STK32B: variants seen among roughly 807,000 people sequenced by gnomAD.
STK32B encodes the protein serine/threonine-protein kinase 32B.
A neutral mutation model predicts 52.6 loss-of-function variants in STK32B; 43 were observed. The observed-to-expected ratio is 0.82, with a 90% CI of 0.64 to 1.05. STK32B has a LOEUF of 1.05. Among genes scored for constraint, STK32B ranks in the 50% least tolerant of loss-of-function variants. STK32B has a pLI of 0.00. For synonymous variants in STK32B, 238 were observed against 204.3 expected, an observed-to-expected ratio of 1.17 and a Z score of -1.41; for missense variants, 621 against 534.6, an observed-to-expected ratio of 1.16 and a Z score of -1.59.
At chr4:5,465,524 C>G (rs1288952035) in intron 9 of STK32B, among the ~76,000 whole-genome samples, 1 of 152,102 alleles carries the variant, frequency 6.6e-6, no homozygotes, top group Non-Finnish European at 1.5e-5. Context: ...GGCCAGGAAT[C>G]CTAGGGAGGT....
chr4:5,499,193 C>G lies in STK32B; in HGVS notation c.*110C>G, dbSNP rs528992101. On this transcript the variant is annotated 3_prime_UTR_variant, in exon 12 of 12. Coordinates refer to ENST00000282908, the MANE Select transcript of STK32B (RefSeq NM_018401.3). The stretch of plus-strand genomic sequence containing the variant: ...GTCTCACCCCTGAAAACATCAGATG[C>G]AGAAAAAGCCCTGGACTTGGAGCTG... 583 of 1,381,992 alleles carry G rather than the reference C, an allele frequency of 4.2e-4. 7 individuals carry two copies. In the South Asian group the frequency reaches 8.5e-3, roughly 20 times the overall value. The allele number at this position is 1,381,992 out of a possible 1,614,324, so 85.6% of individuals were successfully genotyped here.
chr4:5,336,258 T>A (rs1297117467), intron 4 of STK32B, among the ~76,000 whole-genome samples: 1 of 151,488 alleles, frequency 6.6e-6, no homozygotes, highest in African/African-American at 2.4e-5. Flanking sequence ...AATGGGAATG[T>A]GACTGAGCCC....
chr4:5,395,349 CTCA>C lies in STK32B; in HGVS notation c.435-2855_435-2853del, dbSNP rs1736819456. Among the ~76,000 whole-genome samples, 1 of 152,232 alleles carries C rather than the reference CTCA, an allele frequency of 6.6e-6. No homozygotes were observed. The highest frequency in any genetic ancestry group is 6.5e-5 in the Admixed American group (1 of 15,288). On this transcript the variant is annotated intron_variant, in intron 4 of 11. Coordinates refer to ENST00000282908, the MANE Select transcript of STK32B (RefSeq NM_018401.3). The surrounding 1 kb of genome is among the most constrained non-coding windows in gnomAD (Gnocchi z 4.4). ...CGTCACAGGTGAGATCATTTATTCT[CTCA>C]TCCTCCTACTTCCTCATCTGCAAAA... is the stretch of plus-strand genomic sequence containing the variant.
chr4:5,223,673 C>T (rs937070803), intron 3 of STK32B, among the ~76,000 whole-genome samples: 5 of 151,908 alleles, frequency 3.3e-5, no homozygotes, highest in African/African-American at 9.7e-5. Flanking sequence ...CAAAATTAGC[C>T]AGGCGTGGTG....
chr4:5,316,743 A>C (rs1182447010), intron 3 of STK32B, among the ~76,000 whole-genome samples: 1 of 13,758 alleles, frequency 7.3e-5, no homozygotes, highest in Non-Finnish European at 1.0e-4. Context: ...TATCTTATAT[A>C]ATATATATTA....
chr4:5,466,624 A>AT (rs1276933907), intron 9 of STK32B, 79 bp from the exon 10 acceptor site: 80 of 1,505,430 alleles, frequency 5.3e-5, no homozygotes, highest in Non-Finnish European at 6.3e-5. Context: ...GAATGAATGA[A>AT]TGGTTGAATT....
At chr4:5,358,137 T>A (rs1560349393) in intron 4 of STK32B, among the ~76,000 whole-genome samples, 1 of 152,200 alleles carries the variant, frequency 6.6e-6, no homozygotes, top group Non-Finnish European at 1.5e-5. Context: ...ATCCAATTTA[T>A]TCCCTAAAGG....
chr4:5,349,651 T>C lies in STK32B; in HGVS notation c.434+18258T>C, dbSNP rs201088125. On this transcript the variant is annotated intron_variant, in intron 4 of 11. Transcript: ENST00000282908. ...AACACAGATCCCAATCAAAAACAAA[T>C]GTATTGAATCCTAAAAAAAGAATTC... 2.0e-5 allele frequency among the ~76,000 whole-genome samples: 3 copies of C among 152,010 alleles called. No homozygotes were observed. In the East Asian group the frequency reaches 5.8e-4, roughly 29 times the overall value.
At chr4:5,182,097 ACTTT>A (rs1720410328) in intron 3 of STK32B, among the ~76,000 whole-genome samples, 1 of 152,192 alleles carries the variant, frequency 6.6e-6, no homozygotes, top group African/African-American at 2.4e-5. Context: ...TTCAGAAACT[ACTTT>A]CTTTGTTCAT....
In STK32B at chr4:5,147,048, CTTTA is replaced by C. The variant is rs58194552; in HGVS notation, c.108+7094_108+7097del. Reference sequence around the variant, plus strand: ...TCTAATCCATGGACATGGTATATCTCTTTATTTATCTCTATTTTTATTAGGTATT... The same window carrying C: ...TCTAATCCATGGACATGGTATATCTCTTTATCTCTATTTTTATTAGGTATT... On this transcript the variant is annotated intron_variant, in intron 2 of 11. Transcript: ENST00000282908. Among the ~76,000 whole-genome samples the C allele has an allele frequency of 7.3e-3, 1,103 of 152,124 alleles. 10 individuals are homozygous for C. Among genetic ancestry groups the C allele is most frequent in the African/African-American group, 0.025 (1,056 of 41,518 alleles).
intron 7 of STK32B, 89 bp from the exon 8 acceptor site, chr4:5,456,718 C>T (rs1716552631): frequency 2.5e-6 from 3 of 1,177,972 alleles, no homozygotes; most frequent in Middle Eastern, 2.1e-4. Context: ...GAAGAATAAA[C>T]CATCCCTCAT....
intron 11 of STK32B, among the ~76,000 whole-genome samples, chr4:5,484,029 AG>A (rs1718942779): frequency 6.6e-6 from 1 of 152,124 alleles, no homozygotes; most frequent in Non-Finnish European, 1.5e-5. Context: ...ATTTTGGAAT[AG>A]GTGTGGTGTG....
chr4:5,489,553 G>A (rs747520256), intron 11 of STK32B, among the ~76,000 whole-genome samples: 17 of 149,794 alleles, frequency 1.1e-4, no homozygotes, highest in Middle Eastern at 3.4e-3. Flanking sequence ...GCAAAAAAAC[G>A]TATGTAGACA....
chr4:5,277,792 A>AT (rs1464414329), intron 3 of STK32B, among the ~76,000 whole-genome samples: 1 of 152,114 alleles, frequency 6.6e-6, no homozygotes, highest in Non-Finnish European at 1.5e-5. Context: ...ACAGATACAG[A>AT]TTTTTTAAAA....
chr4:5,170,292 C>T (rs966149381), intron 3 of STK32B, among the ~76,000 whole-genome samples: 1 of 151,660 alleles, frequency 6.6e-6, no homozygotes, highest in Admixed American at 6.6e-5. Flanking sequence ...TACTTAGGCA[C>T]CTTTTTTTAT....
chr4:5,359,382 TCCCTCCCTCCCTC>T (rs1395883559), intron 4 of STK32B, among the ~76,000 whole-genome samples: 9 of 140,662 alleles, frequency 6.4e-5, no homozygotes, highest in African/African-American at 1.6e-4. Flanking sequence ...CATCCAACCC[TCCCTCCCTCCCTC>T]CCTCCCTCCC....
chr4:5,030,208 A>C, the STK32B span, among the ~76,000 whole-genome samples: 1 of 152,218 alleles, frequency 6.6e-6, no homozygotes, highest in African/African-American at 2.4e-5. Flanking sequence ...TACATGGACT[A>C]ATGCACTATT....
chr4:5,485,279 T>TG (rs1330423063), intron 11 of STK32B, among the ~76,000 whole-genome samples: 3 of 152,158 alleles, frequency 2.0e-5, no homozygotes, highest in African/African-American at 4.8e-5. Flanking sequence ...TTGGAGGCTT[T>TG]CTCGTTTCTT....
intron 1 of STK32B, among the ~76,000 whole-genome samples, chr4:5,108,884 A>G (rs1047324275): frequency 1.3e-5 from 2 of 152,224 alleles, no homozygotes; most frequent in African/African-American, 4.8e-5. Context: ...ATTAGGGAAG[A>G]ATAGTTACGT....
Sources: allele counts gnomAD v4.1 joint callset (sites outside exome capture counted in the v4.1 genomes callset), GRCh38; gene constraint gnomAD v4.1.1; non-coding constraint Gnocchi (gnomAD v3.1); transcripts MANE v1.5; gene names NCBI Gene and HGNC (gene_info 2026-07-23, HGNC 2026-07-21).